Variants in LMX1B observed in about 807,000 individuals in gnomAD.
The protein encoded by LMX1B is LIM homeobox transcription factor 1 beta, also known as LIM homeobox transcription factor 1-beta.
In LMX1B, 12 loss-of-function variants were observed where a neutral mutation model predicts 51.4. The observed-to-expected ratio is 0.23, with a 90% CI of 0.15 to 0.38. The LOEUF (loss-of-function observed/expected upper bound fraction) is 0.38. LMX1B is among the 10% of genes least tolerant of loss of function. LMX1B has a pLI of 1.00. For synonymous variants in LMX1B, 237 were observed against 235.4 expected (o/e 1.01, Z -0.06); for missense variants, 445 against 571.1 (o/e 0.78, Z 2.25).
chr9:126,648,407 G>A (rs1835942642), intron 2 of LMX1B, among the ~76,000 whole-genome samples: 6 of 152,188 alleles, frequency 3.9e-5, no homozygotes, highest in Admixed American at 2.0e-4. Context: ...GCCAGGCTCT[G>A]TGCTAGAGAA....
At position 126,675,657 on chromosome 9, in the gene LMX1B, A is replaced by C. The variant is rs181531814; in HGVS notation, c.327-15179A>C. ...GGAGAATTGCTTGAACCCGGGAGGC[A>C]GAGGTTGCGGTGAGCCGGGATTGTG... On this transcript the variant is annotated intron_variant, in intron 2 of 7. Transcript: ENST00000373474. 1.4e-3 allele frequency among the ~76,000 whole-genome samples: 213 copies of C among 149,206 alleles called. 4 individuals carry two copies. Among genetic ancestry groups the C allele is most frequent in the African/African-American group, 5.1e-3 (205 of 40,430 alleles).
chr9:126,664,867 C>T lies in LMX1B; in HGVS notation c.327-25969C>T, dbSNP rs931273055. On this transcript the variant is annotated intron_variant, in intron 2 of 7. Transcript: ENST00000373474. ...TCCAGCCTGGGCAACAGAGAGACTCCGTCTGGAAAAAAATAAATAAATGCA... is the reference window on the plus strand; with the variant it reads ...TCCAGCCTGGGCAACAGAGAGACTCTGTCTGGAAAAAAATAAATAAATGCA... Among the ~76,000 whole-genome samples the T allele has an allele frequency of 3.3e-5, 5 of 152,228 alleles. No homozygotes were observed. The East Asian group carries it at 5.8e-4, about 18-fold the overall frequency.
rs1208413989 is a variant in LMX1B, at chr9:126,615,207, C to A, written c.140-176C>A. 6.6e-6 allele frequency among the ~76,000 whole-genome samples: 1 copy of A among 151,662 alleles called. No homozygotes were observed. The highest frequency in any genetic ancestry group is 2.4e-5 in the African/African-American group (1 of 41,346). On this transcript the variant is annotated intron_variant, in intron 1 of 7. Transcript: ENST00000373474. This position sits in a 1 kb window ranked among gnomAD's most constrained non-coding sequence, Gnocchi z 6.0. ...CCACGCCGGAGCCCGAGGACTGGGA[C>A]GGACTAGCCGGGGCCGCCCGGCCCC...
At chr9:126,620,110 G>A (rs1835379661) in intron 2 of LMX1B, among the ~76,000 whole-genome samples, 2 of 152,104 alleles carry the variant, frequency 1.3e-5, no homozygotes, top group African/African-American at 2.4e-5. Context: ...TGTCTCCAAG[G>A]ACACACACCA....
rs1835500195 is a variant in LMX1B at position 126,625,242 on chromosome 9, C to T, written c.326+9673C>T. ...CTTTTCGTTTCCGAGCGCGCTTGGG[C>T]CTCAGGAGCCGGAGCGTTGCCGTGG... On this transcript the variant is annotated intron_variant, in intron 2 of 7. Transcript: ENST00000373474. This position sits in a 1 kb window ranked among gnomAD's most constrained non-coding sequence, Gnocchi z 5.3. 6.6e-6 allele frequency among the ~76,000 whole-genome samples: 1 copy of T among 152,250 alleles called. No individual in the cohort carries two copies. Among genetic ancestry groups the T allele is most frequent in the Non-Finnish European group, 1.5e-5 (1 of 68,040 alleles).
chr9:126,667,604 A>G (rs1039128092), intron 2 of LMX1B, among the ~76,000 whole-genome samples: 1 of 152,194 alleles, frequency 6.6e-6, no homozygotes, highest in Non-Finnish European at 1.5e-5. Context: ...GGCCGGTGCT[A>G]TAGATCTGGA....
intron 2 of LMX1B, among the ~76,000 whole-genome samples, chr9:126,660,336 C>T (rs796517237): frequency 1.3e-5 from 2 of 151,900 alleles, no homozygotes; most frequent in Non-Finnish European, 2.9e-5. Context: ...TCTACGCTGG[C>T]CTTATAGTTT....
Position 126,654,350 on chromosome 9 carries a change from G to A in LMX1B, c.327-36486G>A, listed in dbSNP as rs868426890. ...AGCCCTGATTTCACGTATTGTCATG[G>A]TCTGTTTACTCAGCAGCCTTCCCCA... On this transcript the variant is annotated intron_variant, in intron 2 of 7. Transcript: ENST00000373474. 1.9e-4 allele frequency among the ~76,000 whole-genome samples: 29 copies of A among 152,352 alleles called. No homozygotes were observed. The Middle Eastern group carries it at 0.014, about 71-fold the overall frequency.
At chr9:126,617,244 G>A (rs1176421532) in intron 2 of LMX1B, among the ~76,000 whole-genome samples, 1 of 151,792 alleles carries the variant, frequency 6.6e-6, no homozygotes, top group African/African-American at 2.4e-5. Context: ...ACCACGCCCT[G>A]CACCCCTGGC....
Position 126,677,972 on chromosome 9 carries a change from A to G in LMX1B, c.327-12864A>G, listed in dbSNP as rs1175865806. 1.1e-4 allele frequency among the ~76,000 whole-genome samples: 17 copies of G among 152,192 alleles called. No individual in the cohort carries two copies. ...TGGAGGAGAGAGCTACCATGCCTCA[A>G]GGTCTTATATGGACAGACTCAGGCT... On this transcript the variant is annotated intron_variant, in intron 2 of 7. Transcript: ENST00000373474. This position sits in a 1 kb window ranked among gnomAD's most constrained non-coding sequence, Gnocchi z 5.0.
Position 126,615,588 on chromosome 9 carries a change from C to A in LMX1B, c.326+19C>A. ...ACCAACAGTAAGCGCTTCTCGTCCTCCTTCCCCGCCACCGCCCGGCACTCG... is the reference window on the plus strand; with the variant it reads ...ACCAACAGTAAGCGCTTCTCGTCCTACTTCCCCGCCACCGCCCGGCACTCG... On this transcript the variant is annotated intron_variant, in intron 2 of 7. Coordinates refer to ENST00000373474, the MANE Select transcript of LMX1B (RefSeq NM_001174147.2). This position sits in a 1 kb window ranked among gnomAD's most constrained non-coding sequence, Gnocchi z 6.0. 1 of 1,593,056 alleles carries A rather than the reference C, an allele frequency of 6.3e-7. No homozygotes were observed. The highest frequency in any genetic ancestry group is 2.3e-5 in the East Asian group (1 of 43,506).
intron 2 of LMX1B, among the ~76,000 whole-genome samples, chr9:126,683,431 G>A (rs991268854): frequency 1.6e-4 from 24 of 152,216 alleles, no homozygotes; most frequent in African/African-American, 5.5e-4. Context: ...GGACGCGGCA[G>A]GCACGTGGGG....
Position 126,634,608 on chromosome 9 carries a change from C to A in LMX1B, c.326+19039C>A, listed in dbSNP as rs145878179. 2.7e-3 allele frequency among the ~76,000 whole-genome samples: 404 copies of A among 152,182 alleles called. 3 individuals are homozygous for A. The highest frequency in any genetic ancestry group is 9.2e-3 in the African/African-American group (383 of 41,512). ...CTGGTGCCAGGTTCTGCACACCCCCCCCACAATGCCACATCCATGAGCCAC... is the reference window on the plus strand; with the variant it reads ...CTGGTGCCAGGTTCTGCACACCCCCACCACAATGCCACATCCATGAGCCAC... On this transcript the variant is annotated intron_variant, in intron 2 of 7. Coordinates refer to ENST00000373474, the MANE Select transcript of LMX1B (RefSeq NM_001174147.2).
chr9:126,626,827 G>A lies in LMX1B; in HGVS notation c.326+11258G>A, dbSNP rs2118850805. On this transcript the variant is annotated intron_variant, in intron 2 of 7. Coordinates refer to ENST00000373474, the MANE Select transcript of LMX1B (RefSeq NM_001174147.2). The surrounding 1 kb of genome is among the most constrained non-coding windows in gnomAD (Gnocchi z 4.3). ...TTTGTGTGCGGGGGTCTGTGACCCT[G>A]CAAGCATCAAACGGCCCGCGGGAAC... Among the ~76,000 whole-genome samples the A allele has an allele frequency of 6.6e-6, 1 of 152,280 alleles. No individual in the cohort carries two copies.
At chr9:126,651,077 C>T (rs1470565215) in intron 2 of LMX1B, among the ~76,000 whole-genome samples, 4 of 152,028 alleles carry the variant, frequency 2.6e-5, no homozygotes, top group African/African-American at 9.7e-5. Flanking sequence ...GGGACAGGTC[C>T]TGGATGGGGC....
chr9:126,651,410 A>C (rs1836004413), intron 2 of LMX1B, among the ~76,000 whole-genome samples: 1 of 146,968 alleles, frequency 6.8e-6, no homozygotes, highest in Non-Finnish European at 1.5e-5. Flanking sequence ...GGGGTGGGGC[A>C]CAGGGGGCGG....
chr9:126,683,172 G>A (rs1836708185), intron 2 of LMX1B, among the ~76,000 whole-genome samples: 1 of 150,994 alleles, frequency 6.6e-6, no homozygotes. Flanking sequence ...CCGACGCGGC[G>A]AGGAGGCCGG....
chr9:126,613,968 G>A lies in LMX1B; in HGVS notation c.-482G>A, dbSNP rs1213908533. On this transcript the variant is annotated 5_prime_UTR_variant, in exon 1 of 8. An upstream start codon of the reference 5' UTR is lost. Coordinates refer to ENST00000373474, the MANE Select transcript of LMX1B (RefSeq NM_001174147.2). The surrounding 1 kb of genome is among the most constrained non-coding windows in gnomAD (Gnocchi z 4.5). Reference sequence around the variant, plus strand: ...CCCGGCGGCTCAGCGGGCGCACCATGGCACTGGAGTAGCGCGGGGAGCGCG... The same window carrying A: ...CCCGGCGGCTCAGCGGGCGCACCATAGCACTGGAGTAGCGCGGGGAGCGCG... Among the ~76,000 whole-genome samples, 1 of 145,754 alleles carries A rather than the reference G, an allele frequency of 6.9e-6. No homozygotes were observed.
rs1294721879 is a variant in LMX1B at position 126,693,782 on chromosome 9, G to C, written c.856G>C (p.Glu286Gln). 6.8e-7 allele frequency: 1 copy of C among 1,471,070 alleles called. No individual in the cohort carries two copies. The highest frequency in any genetic ancestry group is 9.3e-7 in the Non-Finnish European group (1 of 1,081,026). The allele number at this position is 1,471,070 out of a possible 1,614,324, so 91.1% of individuals were successfully genotyped here. Residue 286 changes from glutamate (E) to glutamine (Q), a missense_variant, in exon 6 of 8, where the codon GAG (glutamate) becomes CAG (glutamine). This residue lies in a region of LMX1B where 162 missense variants were observed against 187.8 expected (regional missense o/e 0.86). Coordinates refer to ENST00000373474, the MANE Select transcript of LMX1B (RefSeq NM_001174147.2). ...KLARRHQQQQ[E>Q]QQNSQRLGQE... ...GGCGCGGCGGCACCAGCAGCAGCAGGAGCAGCAGAACTCCCAGCGGCTGGG... is the reference window on the plus strand; with the variant it reads ...GGCGCGGCGGCACCAGCAGCAGCAGCAGCAGCAGAACTCCCAGCGGCTGGG...
Sources: allele counts gnomAD v4.1 joint callset (sites outside exome capture counted in the v4.1 genomes callset), GRCh38; gene constraint gnomAD v4.1.1; regional missense constraint gnomAD v4.1.1; non-coding constraint Gnocchi (gnomAD v3.1); transcripts MANE v1.5; gene names NCBI Gene and HGNC (gene_info 2026-07-23, HGNC 2026-07-21).